The following SLC25A13 variants were observed in gnomAD, a reference collection of about 807,000 sequenced individuals.
The protein encoded by SLC25A13 is electrogenic aspartate/glutamate antiporter SLC25A13, mitochondrial.
SLC25A13 carries 70 observed loss-of-function variants against 85.5 expected under a neutral mutation model. The observed-to-expected ratio is 0.82, with a 90% CI of 0.68 to 1.00. SLC25A13 has a LOEUF of 1.00. Among genes scored for constraint, SLC25A13 ranks in the 50% least tolerant of loss-of-function variants. The probability of loss-of-function intolerance (pLI) is 0.00; values close to 1 mark genes in which losing one functional copy is unlikely to be tolerated. For missense variants in SLC25A13, 765 were observed against 819.8 expected (o/e 0.93, Z 0.82); for synonymous variants, 259 against 288.7 (o/e 0.90, Z 1.04).
At chr7:96,177,339 T>C (rs1248353872) in intron 11 of SLC25A13, among the ~76,000 whole-genome samples, 2 of 152,232 alleles carry the variant, frequency 1.3e-5, no homozygotes, top group Non-Finnish European at 2.9e-5. Flanking sequence ...ATTTCAACTA[T>C]GTTATTAAGC....
intron 13 of SLC25A13, among the ~76,000 whole-genome samples, chr7:96,164,935 T>C (rs1037505844): frequency 1.3e-5 from 2 of 152,200 alleles, no homozygotes; most frequent in Admixed American, 1.3e-4. Flanking sequence ...GGAAGGGGTT[T>C]GACTAACATT....
intron 4 of SLC25A13, among the ~76,000 whole-genome samples, chr7:96,215,155 G>A (rs1795841983): frequency 6.6e-6 from 1 of 152,182 alleles, no homozygotes; most frequent in Non-Finnish European, 1.5e-5. Flanking sequence ...CTGGAGTACA[G>A]TGGCATGATC....
At chr7:96,219,559 A>G (rs535464876) in intron 4 of SLC25A13, 8 of 376,296 alleles carry the variant, frequency 2.1e-5, no homozygotes, top group South Asian at 1.5e-4. Flanking sequence ...CCATGAAAGA[A>G]AGCCATAAAC....
At chr7:96,211,237 C>T (rs115406428) in intron 4 of SLC25A13, among the ~76,000 whole-genome samples, 6 of 152,102 alleles carry the variant, frequency 3.9e-5, no homozygotes, top group African/African-American at 1.4e-4. Context: ...AAACTCTAAA[C>T]GCTATAGTTT....
At chr7:96,310,198 G>GT (rs1415008464) in intron 1 of SLC25A13, among the ~76,000 whole-genome samples, 4 of 152,096 alleles carry the variant, frequency 2.6e-5, no homozygotes, top group Non-Finnish European at 4.4e-5. Flanking sequence ...TATTCCAGCT[G>GT]TTTCGATTCT....
Position 96,208,830 on chromosome 7 carries a change from A to G in SLC25A13, c.468+8T>C. 1 of 1,613,916 alleles carries G rather than the reference A, an allele frequency of 6.2e-7. No homozygotes were observed. Among genetic ancestry groups the G allele is most frequent in the Non-Finnish European group, 8.5e-7 (1 of 1,179,906 alleles). ...ATACCCTTTTAACTTTTTAAGAGCT[A>G]GACCCACCAATAAAAACTGAGTAAA... On this transcript the variant is annotated splice_region_variant and intron_variant, in intron 5 of 17. Transcript: ENST00000265631.
intron 11 of SLC25A13, among the ~76,000 whole-genome samples, chr7:96,175,631 G>A (rs1235209364): frequency 1.3e-5 from 2 of 152,186 alleles, no homozygotes; most frequent in Non-Finnish European, 2.9e-5. Context: ...CTCTTACCTG[G>A]TACGCTGCAC....
At chr7:96,247,666 A>G (rs1357815920) in intron 3 of SLC25A13, among the ~76,000 whole-genome samples, 2 of 152,186 alleles carry the variant, frequency 1.3e-5, no homozygotes, top group African/African-American at 4.8e-5. Flanking sequence ...AATAAATACA[A>G]AGTATGGGAT....
At chr7:96,256,526 A>G (rs1398495374) in intron 3 of SLC25A13, among the ~76,000 whole-genome samples, 3 of 152,210 alleles carry the variant, frequency 2.0e-5, no homozygotes, top group Non-Finnish European at 2.9e-5. Flanking sequence ...TAGCTATCCT[A>G]AATACATATG....
intron 5 of SLC25A13, among the ~76,000 whole-genome samples, chr7:96,199,636 C>A (rs1192214671): frequency 6.6e-6 from 1 of 152,092 alleles, no homozygotes; most frequent in African/African-American, 2.4e-5. Context: ...TGAAAGGAGG[C>A]CCAATTTCTC....
intron 9 of SLC25A13, 57 bp downstream of exon 9, chr7:96,189,237 G>A: frequency 1.4e-6 from 2 of 1,475,822 alleles, no homozygotes; most frequent in Non-Finnish European, 1.9e-6. Context: ...AGTGGAACAG[G>A]GTTGGGGTAT....
rs749990010 is a variant in SLC25A13, at chr7:96,146,593, G to C, written c.1415C>G (p.Ser472Cys). ...AAAAAACCCCAGGTCCCGCACGACA[G>C]ACAGAGCACTGACTCGAGGACCAGT... is the stretch of plus-strand genomic sequence containing the variant. Reference protein sequence around the residue: ...ITTGPRVSALSVVRDLGFFGI... With the variant: ...ITTGPRVSALCVVRDLGFFGI... Residue 472 changes from serine to cysteine, a missense_variant, in exon 14 of 18, where the codon TCT (serine) becomes TGT (cysteine). Transcript: ENST00000265631. 1 of 1,613,324 alleles carries C rather than the reference G, an allele frequency of 6.2e-7. No individual in the cohort carries two copies. The highest frequency in any genetic ancestry group is 1.7e-5 in the Admixed American group (1 of 59,952).
intron 1 of SLC25A13, among the ~76,000 whole-genome samples, chr7:96,310,812 T>C (rs1799921615): frequency 6.6e-6 from 1 of 152,232 alleles, no homozygotes; most frequent in African/African-American, 2.4e-5. Context: ...CATTATGTTG[T>C]GTTGGATTTT....
chr7:96,221,824 C>T (rs1287415140), intron 4 of SLC25A13, among the ~76,000 whole-genome samples: 2 of 152,194 alleles, frequency 1.3e-5, no homozygotes, highest in Non-Finnish European at 2.9e-5. Context: ...ACACCAATTT[C>T]ATCATAGCAG....
rs1397111764 is a variant in SLC25A13 at position 96,227,909 on chromosome 7, G to A, written c.328+6893C>T. On this transcript the variant is annotated intron_variant, in intron 4 of 17. Coordinates refer to ENST00000265631, the MANE Select transcript of SLC25A13 (RefSeq NM_014251.3). Reference sequence around the variant, plus strand: ...GCCAGAGTTTCGCTCTTGTCACCCAGGCTGGAGTGCAATGGCATGATGTCG... The same window carrying A: ...GCCAGAGTTTCGCTCTTGTCACCCAAGCTGGAGTGCAATGGCATGATGTCG... Among the ~76,000 whole-genome samples, 4 of 152,102 alleles carry A rather than the reference G, an allele frequency of 2.6e-5. No homozygotes were observed. The East Asian group carries it at 7.7e-4, about 29-fold the overall frequency.
chr7:96,185,185 A>G (rs1487493019), intron 9 of SLC25A13, among the ~76,000 whole-genome samples, 174 bp from the exon 10 acceptor site: 1 of 152,244 alleles, frequency 6.6e-6, no homozygotes, highest in Non-Finnish European at 1.5e-5. Flanking sequence ...TTATTAATAA[A>G]AAGATTTTAG....
At chr7:96,295,343 C>G (rs1431219836) in intron 2 of SLC25A13, among the ~76,000 whole-genome samples, 2 of 152,186 alleles carry the variant, frequency 1.3e-5, no homozygotes, top group Non-Finnish European at 2.9e-5. Flanking sequence ...GAGTGAAACT[C>G]TGTCTCAGAA....
At chr7:96,223,050 CT>C (rs1796194148) in intron 4 of SLC25A13, among the ~76,000 whole-genome samples, 1 of 152,020 alleles carries the variant, frequency 6.6e-6, no homozygotes, top group African/African-American at 2.4e-5. Context: ...TCACTGACCT[CT>C]GTGAGATTTG....
chr7:96,153,618 C>T (rs953815033), intron 13 of SLC25A13, among the ~76,000 whole-genome samples: 11 of 152,114 alleles, frequency 7.2e-5, no homozygotes, highest in East Asian at 1.9e-4. Flanking sequence ...TGTGCACCCA[C>T]GACTGTAGAA....
Sources: allele counts gnomAD v4.1 joint callset (sites outside exome capture counted in the v4.1 genomes callset), GRCh38; gene constraint gnomAD v4.1.1; transcripts MANE v1.5; gene names NCBI Gene and HGNC (gene_info 2026-07-23, HGNC 2026-07-21).